Variants in THSD7B observed in about 807,000 individuals in gnomAD.
THSD7B encodes the protein thrombospondin type-1 domain-containing protein 7B.
A neutral mutation model predicts 213.6 loss-of-function variants in THSD7B; 138 were observed. The ratio of observed to expected loss-of-function variants is 0.65; its 90% CI spans 0.56 to 0.74. THSD7B has a LOEUF of 0.74. THSD7B is among the 30% of genes least tolerant of loss of function. The pLI, the probability that THSD7B is intolerant of heterozygous loss-of-function variation, is 0.00. For synonymous variants in THSD7B, 742 were observed against 687.0 expected (o/e 1.08, Z -1.25); for missense variants, 1,931 against 1,991.5 (o/e 0.97, Z 0.58).
chr2:137,618,505 C>T lies in THSD7B; in HGVS notation c.3679C>T (p.Gln1227Ter). The change falls in exon 19 of 28, where the codon CAG becomes TAG. Residue 1227 changes from glutamine (Q) to a stop codon, truncating the protein, a stop_gained and splice_region_variant. Transcript: ENST00000409968. LOFTEE classifies it high-confidence loss of function. Reference sequence around the variant, plus strand: ...GCCAGTCAGCATGGACCAATGTGAGCAGGTACTGTGTTTATATTCATATCT... The same window carrying T: ...GCCAGTCAGCATGGACCAATGTGAGTAGGTACTGTGTTTATATTCATATCT... ...GKPVSMDQCE[Q>*]HNLEKPQRMS... 3.7e-6 allele frequency: 6 copies of T among 1,613,350 alleles called. No individual in the cohort carries two copies. Among genetic ancestry groups the T allele is most frequent in the African/African-American group, 1.3e-5 (1 of 75,004 alleles).
intron 12 of THSD7B, among the ~76,000 whole-genome samples, chr2:137,297,041 A>G (rs1404208698): frequency 1.3e-5 from 2 of 149,616 alleles, no homozygotes; most frequent in Admixed American, 1.3e-4. Flanking sequence ...TTATTTTTTA[A>G]TACTTGGTTT....
At chr2:137,024,570 A>G (rs1407866164) in intron 2 of THSD7B, among the ~76,000 whole-genome samples, 1 of 152,156 alleles carries the variant, frequency 6.6e-6, no homozygotes. Context: ...AGGTTCCTCA[A>G]AAACCTTCAA....
chr2:137,563,336 C>T lies in THSD7B; in HGVS notation c.3254C>T (p.Thr1085Ile). Reference sequence around the variant, plus strand: ...AGGTCCCTGCGCTGTGGAGGAGGAACACAATCTAGGAAAATCAGGTGTGTG... The same window carrying T: ...AGGTCCCTGCGCTGTGGAGGAGGAATACAATCTAGGAAAATCAGGTGTGTG... ...ELRSLRCGGGTQSRKIRCVNT... is the reference protein window; with the variant it reads ...ELRSLRCGGGIQSRKIRCVNT... Residue 1085 changes from threonine (T) to isoleucine (I), a missense_variant, in exon 16 of 28, where the codon ACA becomes ATA. Thr to Ile is a moderately conservative substitution (Grantham distance 89). Coordinates refer to ENST00000409968, the MANE Select transcript of THSD7B (RefSeq NM_001316349.2). 1 of 1,613,080 alleles carries T rather than the reference C, an allele frequency of 6.2e-7. No individual in the cohort carries two copies. The highest frequency in any genetic ancestry group is 8.5e-7 in the Non-Finnish European group (1 of 1,179,488).
At chr2:136,812,809 A>G (rs1219074638) in intron 1 of THSD7B, among the ~76,000 whole-genome samples, 1 of 152,214 alleles carries the variant, frequency 6.6e-6, no homozygotes, top group Non-Finnish European at 1.5e-5. Context: ...TATTACTACT[A>G]ATAAATAACA....
chr2:136,973,275 C>A (rs191122810), intron 2 of THSD7B, among the ~76,000 whole-genome samples: 1 of 152,148 alleles, frequency 6.6e-6, no homozygotes, highest in Non-Finnish European at 1.5e-5. Flanking sequence ...TAGCTGACCT[C>A]GCTTTCCTTT....
intron 7 of THSD7B, among the ~76,000 whole-genome samples, chr2:137,227,919 A>G (rs1401914148): frequency 1.3e-5 from 2 of 152,150 alleles, no homozygotes; most frequent in Non-Finnish European, 2.9e-5. Context: ...TTGAGAGCTC[A>G]CCATGTGTTA....
At chr2:137,104,053 C>A (rs933892710) in intron 4 of THSD7B, among the ~76,000 whole-genome samples, 1 of 152,136 alleles carries the variant, frequency 6.6e-6, no homozygotes, top group Non-Finnish European at 1.5e-5. Flanking sequence ...CTACAGAACT[C>A]TCCACTCCAA....
intron 15 of THSD7B, among the ~76,000 whole-genome samples, chr2:137,490,933 C>A (rs1169213697): frequency 6.6e-6 from 1 of 152,200 alleles, no homozygotes; most frequent in African/African-American, 2.4e-5. Flanking sequence ...TTTATCCAAA[C>A]ATGGTTTTTC....
chr2:137,354,359 T>C (rs1217226416), intron 12 of THSD7B, among the ~76,000 whole-genome samples: 1 of 152,096 alleles, frequency 6.6e-6, no homozygotes, highest in Non-Finnish European at 1.5e-5. Flanking sequence ...TTTAAAACTC[T>C]ATTTTTAAGA....
chr2:137,546,455 T>TTA (rs1205451610), intron 15 of THSD7B, among the ~76,000 whole-genome samples: 16 of 19,700 alleles, frequency 8.1e-4, no homozygotes, highest in African/African-American at 4.2e-3. Context: ...TATATATATA[T>TTA]TATATATAAT....
chr2:137,587,371 G>A (rs955436590), intron 17 of THSD7B, among the ~76,000 whole-genome samples: 3 of 152,174 alleles, frequency 2.0e-5, no homozygotes, highest in African/African-American at 7.2e-5. Context: ...TTGTTCCGTT[G>A]CTGGCGAGGG....
chr2:137,493,467 C>T (rs1191173856), intron 15 of THSD7B, among the ~76,000 whole-genome samples: 1 of 152,160 alleles, frequency 6.6e-6, no homozygotes, highest in Non-Finnish European at 1.5e-5. Flanking sequence ...AGAGCCAAGT[C>T]CTGCTACTCC....
intron 12 of THSD7B, among the ~76,000 whole-genome samples, chr2:137,348,579 T>C (rs1684931713): frequency 6.6e-6 from 1 of 151,626 alleles, no homozygotes; most frequent in African/African-American, 2.4e-5. Context: ...GTGTGTCACA[T>C]AAGAGCTCAG....
At chr2:137,244,083 G>A (rs1018660483) in intron 10 of THSD7B, among the ~76,000 whole-genome samples, 5 of 152,148 alleles carry the variant, frequency 3.3e-5, no homozygotes, top group African/African-American at 4.8e-5. Context: ...TTCAAAGCAG[G>A]CAAGGATAGA....
chr2:137,043,296 A>T (rs188112882), intron 2 of THSD7B, among the ~76,000 whole-genome samples: 1 of 152,266 alleles, frequency 6.6e-6, no homozygotes, highest in Non-Finnish European at 1.5e-5. Context: ...AGTCAGTTGA[A>T]ACTGGTCACT....
intron 2 of THSD7B, among the ~76,000 whole-genome samples, chr2:136,944,954 T>C (rs1684908008): frequency 6.6e-6 from 1 of 152,156 alleles, no homozygotes; most frequent in South Asian, 2.1e-4. Flanking sequence ...GTTATTTTGC[T>C]CATTAGTTGA....
chr2:136,782,956 A>G (rs1005093562), intron 1 of THSD7B, among the ~76,000 whole-genome samples: 1 of 152,252 alleles, frequency 6.6e-6, no homozygotes, highest in Non-Finnish European at 1.5e-5. Flanking sequence ...GGAAGATCAC[A>G]TTATGCTCAA....
At chr2:136,815,627 A>C (rs547893649) in intron 1 of THSD7B, among the ~76,000 whole-genome samples, 5 of 152,348 alleles carry the variant, frequency 3.3e-5, no homozygotes, top group African/African-American at 1.2e-4. Context: ...AAAATATTTA[A>C]ATAAAAACAT....
At chr2:136,961,158 T>C (rs892262498) in intron 2 of THSD7B, among the ~76,000 whole-genome samples, 3 of 147,646 alleles carry the variant, frequency 2.0e-5, no homozygotes, top group African/African-American at 7.5e-5. Flanking sequence ...TAGGTAAAGA[T>C]GAAGATTTCT....
Sources: allele counts gnomAD v4.1 joint callset (sites outside exome capture counted in the v4.1 genomes callset), GRCh38; gene constraint gnomAD v4.1.1; transcripts MANE v1.5; gene names NCBI Gene and HGNC (gene_info 2026-07-23, HGNC 2026-07-21).